SPG7: variants seen among roughly 807,000 people sequenced by gnomAD.
The protein encoded by SPG7 is mitochondrial inner membrane m-AAA protease component paraplegin.
Under a neutral mutation model 81.9 loss-of-function variants are expected in SPG7, and 103 were observed. That is an observed-to-expected ratio of 1.26 (90% CI 1.07 to 1.48). The LOEUF (loss-of-function observed/expected upper bound fraction) is 1.48. SPG7 is among the 40% of genes most tolerant of loss of function. SPG7 has a pLI of 0.00. For missense variants in SPG7, 1,241 were observed against 1,087.3 expected (o/e 1.14, Z -1.99); for synonymous variants, 534 against 444.2 (o/e 1.20, Z -2.54).
Position 89,550,490 on chromosome 16 carries a change from T to G in SPG7, c.1664-4T>G, listed in dbSNP as rs1341963812. ...GCCCAACTCATACCCCGGCATTCTT[T>G]CAGGGACTGCCAAAAAGAGCAAGAT... On this transcript the variant is annotated splice_region_variant and splice_polypyrimidine_tract_variant and intron_variant, in intron 12 of 16. Coordinates refer to ENST00000645818, the MANE Select transcript of SPG7 (RefSeq NM_003119.4). 6.2e-7 allele frequency: 1 copy of G among 1,610,794 alleles called. No individual in the cohort carries two copies. Among genetic ancestry groups the G allele is most frequent in the East Asian group, 2.2e-5 (1 of 44,878 alleles).
intron 7 of SPG7, 47 bp downstream of exon 7, chr16:89,530,855 GTCC>G (rs774745315): frequency 6.8e-6 from 11 of 1,612,006 alleles, no homozygotes; most frequent in South Asian, 1.1e-5. Flanking sequence ...GAGGCCGGCC[GTCC>G]TCCTCTCCCA....
Position 89,532,566 on chromosome 16 carries a change from C to T in SPG7, c.1254C>T (p.Ser418=), listed in dbSNP as rs1056819996. 10 of 1,613,818 alleles carry T rather than the reference C, an allele frequency of 6.2e-6. No individual in the cohort carries two copies. The highest frequency in any genetic ancestry group is 1.1e-5 in the South Asian group (1 of 91,076). The change falls in exon 9 of 17, where the codon TCC becomes TCT. Residue 418 remains serine (S), a synonymous_variant. Transcript: ENST00000645818. ...DEIDAVGKKR[S]TTMSGFSNTE... ...TCGACGCGGTGGGCAAGAAGCGCTC[C>T]ACCACCATGTCCGGCTTCTCCAACA...
intron 9 of SPG7, 128 bp downstream of exon 9, chr16:89,532,764 T>A: frequency 8.9e-7 from 1 of 1,127,954 alleles, no homozygotes; most frequent in Non-Finnish European, 1.3e-6. Flanking sequence ...AGTGAGACTC[T>A]GTCTCAAGAA....
intron 16 of SPG7, 189 bp from the exon 17 acceptor site, chr16:89,556,698 T>G: frequency 1.6e-6 from 1 of 623,250 alleles, no homozygotes. Flanking sequence ...CGGAAAATCA[T>G]TTATGAGGTT....
chr16:89,552,663 G>A (rs1056188476), intron 13 of SPG7: 2 of 394,452 alleles, frequency 5.1e-6, no homozygotes, highest in Admixed American at 3.6e-5. Context: ...TCAGCGCAGC[G>A]GCCATCGGGG....
At chr16:89,518,590 G>A (rs1469723177) in intron 3 of SPG7, 1 of 152,234 alleles carries the variant, frequency 6.6e-6, no homozygotes, top group African/African-American at 2.4e-5. Flanking sequence ...AACCCAGAAG[G>A]AATTACACGG....
chr16:89,537,563 G>A (rs2058442923), intron 9 of SPG7: 3 of 989,436 alleles, frequency 3.0e-6, no homozygotes, highest in Non-Finnish European at 3.6e-6. Flanking sequence ...ACAGGGTGTC[G>A]TTCTGTCGCC....
Position 89,557,101 on chromosome 16 carries a change from G to C in SPG7, c.*8G>C, listed in dbSNP as rs1321724191. On this transcript the variant is annotated 3_prime_UTR_variant, in exon 17 of 17. Transcript: ENST00000645818. ...CCGACTTGGCCCAAGTAGTTGGGAG[G>C]TGTTGGCTGCACGTGCGGGTGGTCC... 1 of 1,609,440 alleles carries C rather than the reference G, an allele frequency of 6.2e-7. No homozygotes were observed. Among genetic ancestry groups the C allele is most frequent in the Non-Finnish European group, 8.5e-7 (1 of 1,178,584 alleles).
intron 9 of SPG7, chr16:89,543,236 C>G (rs946685487): frequency 1.3e-5 from 2 of 151,078 alleles, no homozygotes; most frequent in Non-Finnish European, 2.9e-5. Flanking sequence ...CGTGAGCCAC[C>G]GCGCCTGGCT....
At chr16:89,516,466 G>T (rs570024215) in intron 3 of SPG7, among the ~76,000 whole-genome samples, 2 of 152,002 alleles carry the variant, frequency 1.3e-5, no homozygotes, top group Non-Finnish European at 2.9e-5. Flanking sequence ...CGTGAGCATC[G>T]TTTGAACCTG....
intron 9 of SPG7, chr16:89,542,037 T>C (rs1476314364): frequency 6.7e-6 from 1 of 150,070 alleles, no homozygotes; most frequent in Admixed American, 6.6e-5. Flanking sequence ...TCCTGACACA[T>C]AGCCCGGTGG....
intron 3 of SPG7, among the ~76,000 whole-genome samples, chr16:89,515,718 T>C (rs183391849): frequency 6.7e-6 from 1 of 149,674 alleles, no homozygotes; most frequent in Non-Finnish European, 1.5e-5. Context: ...TATTATTATT[T>C]TTTTTTTTGA....
Position 89,532,596 on chromosome 16 carries a change from G to A in SPG7, c.1284G>A (p.Glu428=). The A allele has an allele frequency of 6.2e-7, 1 of 1,613,754 alleles. No homozygotes were observed. Among genetic ancestry groups the A allele is most frequent in the South Asian group, 1.1e-5 (1 of 91,084 alleles). ...CCATGTCCGGCTTCTCCAACACGGA[G>A]GAGGAGCAGACGCTCAACCAGCTTC... ...STTMSGFSNT[E]EEQTLNQLLV... The change falls in exon 9 of 17, where the codon GAG becomes GAA. Residue 428 remains glutamate (E), a synonymous_variant. Transcript: ENST00000645818.
chr16:89,532,760 ACT>A (rs1025044869), intron 9 of SPG7, 124 bp downstream of exon 9: 33 of 1,181,308 alleles, frequency 2.8e-5, no homozygotes, highest in Non-Finnish European at 3.9e-5. Context: ...ACAGAGTGAG[ACT>A]CTGTCTCAAG....
chr16:89,548,832 G>A, intron 12 of SPG7: 1 of 423,738 alleles, frequency 2.4e-6, no homozygotes, highest in Non-Finnish European at 4.8e-6. Context: ...CACTGTCAGT[G>A]TGAGACAGGT....
chr16:89,542,799 T>C (rs924632826), intron 9 of SPG7, among the ~76,000 whole-genome samples: 2 of 152,010 alleles, frequency 1.3e-5, no homozygotes, highest in Non-Finnish European at 2.9e-5. Flanking sequence ...TATAGGGGCA[T>C]GATCATAGCT....
intron 6 of SPG7, 124 bp downstream of exon 6, chr16:89,529,703 A>T: frequency 1.3e-6 from 1 of 746,492 alleles, no homozygotes; most frequent in Non-Finnish European, 2.4e-6. Flanking sequence ...TGAAGCCACA[A>T]TTAGACAGCA....
chr16:89,510,492 C>A lies in SPG7; in HGVS notation c.186C>A (p.Ser62Arg), dbSNP rs769231929. 1 of 1,495,738 alleles carries A rather than the reference C, an allele frequency of 6.7e-7. No individual in the cohort carries two copies. Among genetic ancestry groups the A allele is most frequent in the Non-Finnish European group, 9.2e-7 (1 of 1,091,388 alleles). The allele number at this position is 1,495,738 out of a possible 1,614,324, so 92.7% of individuals were successfully genotyped here. The change falls in exon 2 of 17, where the codon AGC (serine) becomes AGA (arginine). Residue 62 changes from serine to arginine, a missense_variant and splice_region_variant. Physicochemically the swap from Ser to Arg is moderately radical, Grantham distance 110 (BLOSUM62 -1). Coordinates refer to ENST00000645818, the MANE Select transcript of SPG7 (RefSeq NM_003119.4). Reference protein sequence around the residue: ...LAEAGGRALQSLQLRLLTPTF... With the variant: ...LAEAGGRALQRLQLRLLTPTF... ...TATTGTTTTTTTTTTTTTTTCAGAG[C>A]TTACAATTGAGACTGCTAACCCCTA... is the stretch of plus-strand genomic sequence containing the variant.
Position 89,553,749 on chromosome 16 carries a change from C to T in SPG7, c.1937-45C>T, listed in dbSNP as rs142446417. 199 of 1,592,348 alleles carry T rather than the reference C, an allele frequency of 1.2e-4. 1 individual carries two copies. The African/African-American group carries it at 2.2e-3, about 17-fold the overall frequency. Reference sequence around the variant, plus strand: ...ACACCTGGGGCCCAGCACTGCTCTGCGCCTGCAGTGCTGAGGATGCCTCTG... The same window carrying T: ...ACACCTGGGGCCCAGCACTGCTCTGTGCCTGCAGTGCTGAGGATGCCTCTG... On this transcript the variant is annotated intron_variant, in intron 14 of 16. Transcript: ENST00000645818.
Sources: gnomAD v4.1 joint callset for allele counts (sites outside exome capture counted in the v4.1 genomes callset) on GRCh38, gnomAD v4.1.1 for gene constraint, MANE v1.5 for transcripts, NCBI Gene and HGNC (gene_info 2026-07-23, HGNC 2026-07-21) for gene names.